EBF1: variants seen among roughly 807,000 people sequenced by gnomAD.
The protein encoded by EBF1 is transcription factor COE1.
EBF1 carries 10 observed loss-of-function variants against 68.4 expected under a neutral mutation model. The ratio of observed to expected loss-of-function variants is 0.15; its 90% CI spans 0.09 to 0.25. The LOEUF is 0.25. Among genes scored for constraint, EBF1 ranks in the 10% least tolerant of loss-of-function variants. The pLI is 1.00. For missense variants in EBF1, 509 were observed against 794.4 expected, an observed-to-expected ratio of 0.64 and a Z score of 4.32; for synonymous variants, 298 against 299.8, an observed-to-expected ratio of 0.99 and a Z score of 0.06.
chr5:158,996,385 A>C (rs1761422193), intron 6 of EBF1, among the ~76,000 whole-genome samples: 1 of 152,120 alleles, frequency 6.6e-6, no homozygotes, highest in African/African-American at 2.4e-5. Flanking sequence ...ACTAACTCTC[A>C]CTTTATAAGT....
intron 6 of EBF1, among the ~76,000 whole-genome samples, chr5:158,869,611 ACACACACG>A (rs1796531593): frequency 7.7e-6 from 1 of 129,806 alleles, no homozygotes; most frequent in South Asian, 2.8e-4. Flanking sequence ...ACACACACAC[ACACACACG>A]TTTTGTTGTT....
At chr5:158,726,453 T>C (rs1581360747) in intron 11 of EBF1, among the ~76,000 whole-genome samples, 1 of 152,282 alleles carries the variant, frequency 6.6e-6, no homozygotes, top group East Asian at 1.9e-4. Flanking sequence ...AGTGGTGGTG[T>C]TCTATCAAGG....
In EBF1 at chr5:159,095,557, C is replaced by T. The variant is rs1584584518; in HGVS notation, c.411+63G>A. The stretch of plus-strand genomic sequence containing the variant: ...AGCCCACCTGCGGTGGAGCAACTAG[C>T]TTCTTGACTGCCCTGAATTTTGTGA... On this transcript the variant is annotated intron_variant, in intron 4 of 15. Transcript: ENST00000313708. The T allele has an allele frequency of 3.8e-6, 6 of 1,597,284 alleles. No homozygotes were observed. In the East Asian group the frequency reaches 8.9e-5, roughly 24 times the overall value.
At chr5:158,815,053 G>A (rs1034648525) in intron 8 of EBF1, among the ~76,000 whole-genome samples, 3 of 152,174 alleles carry the variant, frequency 2.0e-5, no homozygotes, top group Non-Finnish European at 2.9e-5. Context: ...CAATAGGATA[G>A]GAGATGGAAG....
chr5:158,772,942 G>A (rs1774185068), intron 10 of EBF1, among the ~76,000 whole-genome samples: 1 of 152,066 alleles, frequency 6.6e-6, no homozygotes, highest in Non-Finnish European at 1.5e-5. Context: ...TAAAGATAAG[G>A]TGACTGTGGT....
chr5:158,850,472 C>A (rs548325372), intron 6 of EBF1, among the ~76,000 whole-genome samples: 14 of 152,156 alleles, frequency 9.2e-5, no homozygotes, highest in Non-Finnish European at 1.8e-4. Context: ...CTTGTCCTGG[C>A]AGAGAGAAAG....
chr5:159,043,386 T>C (rs1410736420), intron 6 of EBF1, among the ~76,000 whole-genome samples: 1 of 152,212 alleles, frequency 6.6e-6, no homozygotes, highest in Non-Finnish European at 1.5e-5. Context: ...CTTTCCTTCA[T>C]AGCACCTAAA....
chr5:158,767,377 A>T (rs868490187), intron 10 of EBF1, among the ~76,000 whole-genome samples: 1 of 151,840 alleles, frequency 6.6e-6, no homozygotes, highest in Admixed American at 6.6e-5. Context: ...TCCTAGAAAT[A>T]CCTGCCACTC....
intron 6 of EBF1, among the ~76,000 whole-genome samples, chr5:158,931,842 T>C (rs1810958471): frequency 1.3e-5 from 2 of 152,202 alleles, no homozygotes; most frequent in African/African-American, 4.8e-5. Context: ...GAGATACTCA[T>C]CTACAAATTA....
intron 10 of EBF1, among the ~76,000 whole-genome samples, chr5:158,755,506 TA>T (rs1479056945): frequency 2.0e-5 from 3 of 152,186 alleles, no homozygotes; most frequent in Non-Finnish European, 4.4e-5. Flanking sequence ...TGACATTCAA[TA>T]AAAGGCAGAG....
At position 159,050,553 on chromosome 5, in the gene EBF1, C is replaced by T. The variant is rs529432481; in HGVS notation, c.554+22843G>A. The stretch of plus-strand genomic sequence containing the variant: ...AGAAGCCCCTCCTTTCTCCAGCTCC[C>T]CTGGGCCCCTGAGTCTCAGTCATAG... On this transcript the variant is annotated intron_variant, in intron 6 of 15. Transcript: ENST00000313708. 3.3e-5 allele frequency among the ~76,000 whole-genome samples: 5 copies of T among 152,304 alleles called. No individual in the cohort carries two copies. The East Asian group carries it at 9.7e-4, about 29-fold the overall frequency.
chr5:158,806,234 T>C (rs998139519), intron 8 of EBF1, among the ~76,000 whole-genome samples: 10 of 151,922 alleles, frequency 6.6e-5, no homozygotes, highest in Non-Finnish European at 1.5e-4. Flanking sequence ...CCAGGCACGG[T>C]GGAGAGGGCC....
At chr5:158,734,416 A>ACAGAC (rs1465930082) in intron 10 of EBF1, among the ~76,000 whole-genome samples, 1 of 152,206 alleles carries the variant, frequency 6.6e-6, no homozygotes, top group Non-Finnish European at 1.5e-5. Context: ...ATAGGTTATT[A>ACAGAC]CAGACCATAA....
chr5:158,787,757 C>T lies in EBF1; in HGVS notation c.909+8588G>A, dbSNP rs909190501. Among the ~76,000 whole-genome samples the T allele has an allele frequency of 3.9e-5, 6 of 152,266 alleles. No individual in the cohort carries two copies. In the East Asian group the frequency reaches 9.7e-4, roughly 25 times the overall value. ...ATAGTTTATTACAAGGATTAATTGA[C>T]ACAATTCCTGTAACAAGTGTAGGAA... On this transcript the variant is annotated intron_variant, in intron 9 of 15. Transcript: ENST00000313708.
chr5:159,070,757 A>G (rs1426101324), intron 6 of EBF1, among the ~76,000 whole-genome samples: 2 of 152,234 alleles, frequency 1.3e-5, no homozygotes, highest in Non-Finnish European at 2.9e-5. Context: ...CAGCTCTGTA[A>G]TTGCATATTG....
intron 6 of EBF1, among the ~76,000 whole-genome samples, chr5:158,980,300 G>C (rs1414603866): frequency 6.6e-6 from 1 of 152,174 alleles, no homozygotes; most frequent in Non-Finnish European, 1.5e-5. Context: ...GCTTTGTTGG[G>C]AATGCTAGCA....
At chr5:158,716,757 T>C (rs1342483503) in intron 11 of EBF1, among the ~76,000 whole-genome samples, 1 of 152,206 alleles carries the variant, frequency 6.6e-6, no homozygotes, top group Non-Finnish European at 1.5e-5. Context: ...CCCAGTGAAC[T>C]AGCCCCCAGG....
intron 6 of EBF1, among the ~76,000 whole-genome samples, chr5:158,972,216 C>T (rs1389608451): frequency 6.6e-6 from 1 of 152,120 alleles, no homozygotes; most frequent in East Asian, 1.9e-4. Flanking sequence ...TGCTCTTTTT[C>T]CCTCCCTGCT....
At chr5:159,047,942 G>A (rs1262342124) in intron 6 of EBF1, among the ~76,000 whole-genome samples, 1 of 152,128 alleles carries the variant, frequency 6.6e-6, no homozygotes, top group Non-Finnish European at 1.5e-5. Context: ...AGAACTGTCT[G>A]CATTTCAGAC....
Sources: allele counts gnomAD v4.1 joint callset (sites outside exome capture counted in the v4.1 genomes callset), GRCh38; gene constraint gnomAD v4.1.1; transcripts MANE v1.5; gene names NCBI Gene and HGNC (gene_info 2026-07-23, HGNC 2026-07-21).